The following TBC1D5 variants were observed in gnomAD, a reference collection of about 807,000 sequenced individuals.
The protein encoded by TBC1D5 is TBC1 domain family, member 5.
Under a neutral mutation model 100.3 loss-of-function variants are expected in TBC1D5, and 75 were observed. The observed-to-expected ratio is 0.75, with a 90% confidence interval of 0.62 to 0.91. TBC1D5 has a LOEUF of 0.91. Among genes scored for constraint, TBC1D5 ranks in the 40% least tolerant of loss-of-function variants. TBC1D5 has a pLI of 0.00. For missense variants in TBC1D5, 910 were observed against 942.4 expected, an observed-to-expected ratio of 0.97 and a Z score of 0.45; for synonymous variants, 323 against 325.6, an observed-to-expected ratio of 0.99 and a Z score of 0.09.
Position 17,702,340 on chromosome 3 carries a change from G to C in TBC1D5, c.-101+37003C>G, listed in dbSNP as rs574410819. 3.5e-5 allele frequency: 5 copies of C among 143,680 alleles called. No individual in the cohort carries two copies. The South Asian group carries it at 1.1e-3, about 33-fold the overall frequency. The allele number at this position is 143,680 out of a possible 1,614,324, so 8.9% of individuals were successfully genotyped here. A position where few individuals can be genotyped will look rare whatever the true frequency, so the allele number is the denominator to read the frequency against. On this transcript the variant is annotated intron_variant, in intron 1 of 21. Transcript: ENST00000253692. ...TTATGGCATTACACCTCCTAAAACA[G>C]AATCATAACTAATAGTTATATAAAT...
intron 15 of TBC1D5, among the ~76,000 whole-genome samples, chr3:17,264,138 C>T (rs1559513318): frequency 6.6e-6 from 1 of 152,112 alleles, no homozygotes; most frequent in African/African-American, 2.4e-5. Flanking sequence ...TATTTTAAGT[C>T]CAAACTCATT....
chr3:17,363,478 G>A (rs778266156), intron 13 of TBC1D5, among the ~76,000 whole-genome samples: 4 of 150,608 alleles, frequency 2.7e-5, no homozygotes, highest in Non-Finnish European at 4.4e-5. Context: ...TTATTTTTTA[G>A]AGACAGGGTC....
In TBC1D5 at chr3:17,184,833, G is replaced by A. The variant is rs370030645; in HGVS notation, c.1852+276C>T. 8 of 200,458 alleles carry A rather than the reference G, an allele frequency of 4.0e-5. No homozygotes were observed. In the East Asian group the frequency reaches 6.3e-4, roughly 16 times the overall value. 12.4% of individuals were successfully genotyped at this position (200,458 alleles called of 1,614,324 possible). ...GCTGGGATTACAGCTGTGAGCCACG[G>A]CATCCAGCTTATAATCGGATTGCTT... On this transcript the variant is annotated intron_variant, in intron 19 of 21. Transcript: ENST00000253692.
chr3:17,239,165 C>G (rs1219833843), intron 16 of TBC1D5, among the ~76,000 whole-genome samples: 2 of 152,172 alleles, frequency 1.3e-5, no homozygotes, highest in African/African-American at 2.4e-5. Context: ...TTGTTAACTA[C>G]TATATTGCCA....
chr3:17,472,598 T>C (rs2095390907), intron 3 of TBC1D5, among the ~76,000 whole-genome samples: 1 of 152,222 alleles, frequency 6.6e-6, no homozygotes, highest in Admixed American at 6.5e-5. Flanking sequence ...CAGATATATT[T>C]TACATATTAA....
intron 4 of TBC1D5, among the ~76,000 whole-genome samples, chr3:17,408,300 C>T (rs2152461298): frequency 6.6e-6 from 1 of 150,740 alleles, no homozygotes; most frequent in South Asian, 2.1e-4. Flanking sequence ...CACACACACA[C>T]ACACACACAC....
chr3:17,612,316 A>G (rs2061733857), intron 2 of TBC1D5, among the ~76,000 whole-genome samples: 1 of 150,748 alleles, frequency 6.6e-6, no homozygotes, highest in African/African-American at 2.4e-5. Flanking sequence ...AAAAAAAAAA[A>G]GAATTGAAAA....
intron 1 of TBC1D5, among the ~76,000 whole-genome samples, chr3:17,636,173 C>A (rs74835704): frequency 3.4e-4 from 51 of 150,996 alleles, no homozygotes; most frequent in Non-Finnish European, 6.6e-4. Context: ...GGTGATAGAG[C>A]GAAACTCCAT....
At chr3:17,674,798 AG>A (rs1209771966) in intron 1 of TBC1D5, among the ~76,000 whole-genome samples, 1 of 152,142 alleles carries the variant, frequency 6.6e-6, no homozygotes, top group East Asian at 1.9e-4. Flanking sequence ...ATGAAGTGAT[AG>A]AGATGGTCTA....
chr3:17,718,334 G>A (rs760403728), intron 1 of TBC1D5, among the ~76,000 whole-genome samples: 41 of 152,262 alleles, frequency 2.7e-4, no homozygotes, highest in Admixed American at 3.9e-4. Context: ...GGTGGCTCAC[G>A]CCTGTAATCC....
chr3:17,633,154 C>T (rs920550794), intron 1 of TBC1D5, among the ~76,000 whole-genome samples: 4 of 152,140 alleles, frequency 2.6e-5, no homozygotes, highest in African/African-American at 7.2e-5. Context: ...ACTACTCATC[C>T]GGCCGTGCAC....
intron 16 of TBC1D5, among the ~76,000 whole-genome samples, chr3:17,251,515 A>G (rs1666285662): frequency 6.7e-6 from 1 of 148,464 alleles, no homozygotes; most frequent in Non-Finnish European, 1.5e-5. Flanking sequence ...TACCTGCTAC[A>G]TCTATGGCAA....
intron 2 of TBC1D5, among the ~76,000 whole-genome samples, chr3:17,555,717 T>C (rs1307460279): frequency 1.3e-5 from 2 of 152,314 alleles, no homozygotes; most frequent in Non-Finnish European, 2.9e-5. Flanking sequence ...GGGCCTGCTA[T>C]CTGTCATGTG....
intron 2 of TBC1D5, among the ~76,000 whole-genome samples, chr3:17,555,340 C>T (rs571544225): frequency 1.9e-4 from 29 of 152,254 alleles, no homozygotes; most frequent in East Asian, 5.8e-4. Flanking sequence ...TGATTTTATA[C>T]GTTTCAGGGA....
intron 2 of TBC1D5, among the ~76,000 whole-genome samples, chr3:17,612,746 C>T (rs536474214): frequency 1.7e-4 from 26 of 151,908 alleles, no homozygotes; most frequent in Non-Finnish European, 3.5e-4. Flanking sequence ...CCTGGGAAAT[C>T]CTAGAAAACT....
At chr3:17,450,888 C>A (rs1180452905) in intron 3 of TBC1D5, among the ~76,000 whole-genome samples, 8 of 152,110 alleles carry the variant, frequency 5.3e-5, no homozygotes, top group Non-Finnish European at 1.2e-4. Flanking sequence ...CAGAATATAC[C>A]ACTAAGATAC....
chr3:17,370,191 G>A (rs1201131955), intron 13 of TBC1D5, among the ~76,000 whole-genome samples: 2 of 152,100 alleles, frequency 1.3e-5, no homozygotes, highest in Non-Finnish European at 2.9e-5. Flanking sequence ...CCAAGCCCAC[G>A]CCATCACCAC....
chr3:17,663,402 T>C (rs993164068), intron 1 of TBC1D5, among the ~76,000 whole-genome samples: 4 of 151,784 alleles, frequency 2.6e-5, no homozygotes, highest in South Asian at 2.1e-4. Flanking sequence ...ATATATAATA[T>C]AGTAATTAAA....
intron 3 of TBC1D5, among the ~76,000 whole-genome samples, chr3:17,468,385 A>T (rs907814486): frequency 2.0e-5 from 3 of 151,764 alleles, no homozygotes; most frequent in Admixed American, 2.0e-4. Flanking sequence ...TATTAGCTCA[A>T]TTTTTTTTCA....
Sources: gnomAD v4.1 joint callset for allele counts (sites outside exome capture counted in the v4.1 genomes callset) on GRCh38, gnomAD v4.1.1 for gene constraint, MANE v1.5 for transcripts, NCBI Gene and HGNC (gene_info 2026-07-23, HGNC 2026-07-21) for gene names.